The following PDXDC1 variants were observed in gnomAD, a reference collection of about 807,000 sequenced individuals.
PDXDC1 encodes pyridoxal-dependent decarboxylase domain-containing protein 1.
In PDXDC1, 42 loss-of-function variants were observed where a neutral mutation model predicts 100.1. The observed-to-expected ratio is 0.42, with a 90% CI of 0.33 to 0.54. PDXDC1 has a LOEUF of 0.54. Ranked by LOEUF, PDXDC1 falls within the 20% of genes least tolerant of loss-of-function variation. The probability of loss-of-function intolerance (pLI) is 0.10; values close to 1 mark genes in which losing one functional copy is unlikely to be tolerated. For missense variants in PDXDC1, 636 were observed against 979.2 expected (o/e 0.65, Z 4.68); for synonymous variants, 260 against 371.7 (o/e 0.70, Z 3.46).
At chr16:15,093,816 G>A (rs866415798) in intron 16 of PDXDC1, 24 of 404,170 alleles carry the variant, frequency 5.9e-5, no homozygotes, top group Non-Finnish European at 9.3e-5. Flanking sequence ...ACATAGCCCA[G>A]GGAAATCCCT....
chr16:15,063,704 C>CAAAAAAAAAAA, intron 16 of PDXDC1, among the ~76,000 whole-genome samples: 1 of 89,120 alleles, frequency 1.1e-5, no homozygotes, highest in Non-Finnish European at 2.0e-5. Context: ...GACTCTGTCT[C>CAAAAAAAAAAA]AAAAAAAAAA....
At chr16:15,027,687 G>A (rs1282797173) in intron 14 of PDXDC1, among the ~76,000 whole-genome samples, 1 of 152,296 alleles carries the variant, frequency 6.6e-6, no homozygotes, top group East Asian at 1.9e-4. Flanking sequence ...CTGCTGGCTT[G>A]CCGGGGCCTG....
downstream of PDXDC1, among the ~76,000 whole-genome samples, chr16:15,039,177 CAATG>C (rs1312132334): frequency 2.0e-5 from 3 of 152,192 alleles, no homozygotes; most frequent in Non-Finnish European, 4.4e-5. Flanking sequence ...CCAAATTTGC[CAATG>C]GCAGCCTCAG....
intron 16 of PDXDC1, chr16:15,134,171 C>A: frequency 7.6e-7 from 1 of 1,320,342 alleles, no homozygotes. Context: ...GGACCCATCC[C>A]CAGCCCGCCC....
intron 16 of PDXDC1, among the ~76,000 whole-genome samples, chr16:15,078,234 C>A (rs1334253601): frequency 1.3e-5 from 2 of 152,226 alleles, no homozygotes. Flanking sequence ...TCCAGCTCTT[C>A]TGAGACCTTG....
intron 16 of PDXDC1, chr16:15,137,687 G>A (rs1464559825): frequency 7.9e-6 from 9 of 1,135,492 alleles, no homozygotes; most frequent in South Asian, 7.9e-5. Flanking sequence ...GCCCTGCCCA[G>A]TGTCTGCAGG....
chr16:15,036,556 T>C lies in PDXDC1; in HGVS notation c.*281T>C, dbSNP rs2043466562. The C allele has an allele frequency of 1.0e-5, 5 of 477,500 alleles. No individual in the cohort carries two copies. Among genetic ancestry groups the C allele is most frequent in the Non-Finnish European group, 1.9e-5 (5 of 268,772 alleles). 29.6% of individuals were successfully genotyped at this position (477,500 alleles called of 1,614,324 possible). A position where few individuals can be genotyped will look rare whatever the true frequency, so the allele number is the denominator to read the frequency against. ...CAAAAAACACTTCGAATTTCAAGTGTCTACCAGTAGCACCCTTGCTCTTTC... is the reference window on the plus strand; with the variant it reads ...CAAAAAACACTTCGAATTTCAAGTGCCTACCAGTAGCACCCTTGCTCTTTC... On this transcript the variant is annotated 3_prime_UTR_variant, in exon 23 of 23. Coordinates refer to ENST00000396410, the MANE Select transcript of PDXDC1 (RefSeq NM_015027.4).
chr16:15,056,105 G>A (rs2044510750), intron 16 of PDXDC1: 1 of 212,100 alleles, frequency 4.7e-6, no homozygotes, highest in African/African-American at 2.3e-5. Flanking sequence ...GGGCGCTGCC[G>A]GGAAGTGGAG....
intron 1 of PDXDC1, among the ~76,000 whole-genome samples, chr16:14,981,818 T>C (rs1968056241): frequency 6.6e-6 from 1 of 150,926 alleles, no homozygotes. Flanking sequence ...GGTATTTTTG[T>C]CCTTTTCTTT....
chr16:15,065,829 G>A (rs1471219289), intron 16 of PDXDC1, among the ~76,000 whole-genome samples: 1 of 152,154 alleles, frequency 6.6e-6, no homozygotes, highest in African/African-American at 2.4e-5. Flanking sequence ...ACTTGCTGAA[G>A]AAGCACTGAA....
intron 16 of PDXDC1, among the ~76,000 whole-genome samples, chr16:15,070,734 G>C (rs532159234): frequency 4.6e-5 from 7 of 151,994 alleles, no homozygotes; most frequent in South Asian, 4.1e-4. Flanking sequence ...GAAGAAACTG[G>C]CCTCCTAGAT....
intron 16 of PDXDC1, among the ~76,000 whole-genome samples, chr16:15,132,494 G>A (rs2048152734): frequency 6.7e-6 from 1 of 149,866 alleles, no homozygotes; most frequent in Non-Finnish European, 1.5e-5. Context: ...CCCCACATCT[G>A]GGCCCCTCTT....
At chr16:15,061,976 C>G in intron 16 of PDXDC1, 9 of 1,413,170 alleles carry the variant, frequency 6.4e-6, no homozygotes, top group African/African-American at 1.4e-5. Context: ...ATTCCTTCCT[C>G]AGGAAGGTGT....
the PDXDC1 span, among the ~76,000 whole-genome samples, chr16:15,148,343 T>C: frequency 6.6e-6 from 1 of 150,426 alleles, no homozygotes; most frequent in African/African-American, 2.5e-5. Context: ...GCATCTTCTT[T>C]GGAGAAATCT....
intron 12 of PDXDC1, among the ~76,000 whole-genome samples, chr16:15,021,988 T>G (rs1403265650): frequency 3.9e-5 from 6 of 152,416 alleles, no homozygotes; most frequent in Admixed American, 2.0e-4. Context: ...TCAGAATTAA[T>G]TTTCTTTAAG....
chr16:15,140,095 CAAAAAAAA>C (rs372891971), downstream of PDXDC1, among the ~76,000 whole-genome samples: 2 of 43,838 alleles, frequency 4.6e-5, no homozygotes, highest in African/African-American at 2.2e-4. Flanking sequence ...GACTCCATCT[CAAAAAAAA>C]AAAAAAAAAA....
chr16:15,126,148 G>C (rs2047711357), intron 16 of PDXDC1, among the ~76,000 whole-genome samples: 1 of 151,636 alleles, frequency 6.6e-6, no homozygotes, highest in Non-Finnish European at 1.5e-5. Flanking sequence ...GATTGTCCTG[G>C]CTCAGCCTCC....
intron 16 of PDXDC1, chr16:15,123,393 A>G: frequency 9.1e-7 from 1 of 1,101,284 alleles, no homozygotes; most frequent in East Asian, 2.6e-5. Flanking sequence ...GTGACAAAAC[A>G]TAAAAAACAA....
intron 16 of PDXDC1, chr16:15,085,602 G>A (rs371739855): frequency 1.0e-4 from 168 of 1,602,268 alleles, no homozygotes; most frequent in Non-Finnish European, 1.3e-4. Flanking sequence ...ATGGGTGAAA[G>A]CTACTGTGCC....
Sources: gnomAD v4.1 joint callset for allele counts (sites outside exome capture counted in the v4.1 genomes callset) on GRCh38, gnomAD v4.1.1 for gene constraint, MANE v1.5 for transcripts, NCBI Gene and HGNC (gene_info 2026-07-23, HGNC 2026-07-21) for gene names.